Variants in SP110 observed in about 807,000 individuals in gnomAD.
The protein encoded by SP110 is interferon-induced protein 41, 30kD.
Under a neutral mutation model 92.7 loss-of-function variants are expected in SP110, and 62 were observed. The ratio of observed to expected loss-of-function variants is 0.67; its 90% CI spans 0.55 to 0.83. SP110 has a LOEUF of 0.83. Ranked by LOEUF, SP110 falls within the 40% of genes least tolerant of loss-of-function variation. SP110 has a pLI of 0.00. For synonymous variants in SP110, 273 were observed against 305.3 expected (o/e 0.89, Z 1.10); for missense variants, 793 against 863.9 (o/e 0.92, Z 1.03).
intron 14 of SP110, 64 bp from the exon 15 acceptor site, chr2:230,173,023 G>A: frequency 1.8e-6 from 2 of 1,103,128 alleles, no homozygotes; most frequent in Admixed American, 1.8e-5. Flanking sequence ...TGACCCTGTG[G>A]GGTTCTAGAA....
At chr2:230,202,058 G>T (rs1480782346) in intron 9 of SP110, among the ~76,000 whole-genome samples, 1 of 152,108 alleles carries the variant, frequency 6.6e-6, no homozygotes, top group Admixed American at 6.5e-5. Context: ...TTTTTATAAA[G>T]CTCACTCACA....
intron 14 of SP110, 64 bp from the exon 15 acceptor site, chr2:230,173,023 G>T: frequency 1.8e-6 from 2 of 1,103,126 alleles, no homozygotes; most frequent in African/African-American, 1.5e-5. Flanking sequence ...TGACCCTGTG[G>T]GGTTCTAGAA....
intron 10 of SP110, 50 bp downstream of exon 10, chr2:230,200,835 T>C: frequency 7.3e-7 from 1 of 1,364,160 alleles, no homozygotes; most frequent in Non-Finnish European, 1.1e-6. Context: ...CAGCTCTGAA[T>C]TTAGATTCCT....
chr2:230,182,284 A>G (rs2042163323), intron 12 of SP110, among the ~76,000 whole-genome samples: 1 of 152,140 alleles, frequency 6.6e-6, no homozygotes, highest in Admixed American at 6.5e-5. Context: ...CAGGGAGGAG[A>G]ACAGCACACA....
At chr2:230,196,155 G>C (rs929863945) in intron 10 of SP110, among the ~76,000 whole-genome samples, 3 of 152,106 alleles carry the variant, frequency 2.0e-5, no homozygotes, top group African/African-American at 7.2e-5. Flanking sequence ...CAGCAAATTG[G>C]TAACATGTAT....
At chr2:230,202,881 A>G in intron 8 of SP110, 153 bp from the exon 9 acceptor site, 1 of 731,092 alleles carries the variant, frequency 1.4e-6, no homozygotes, top group Non-Finnish European at 2.4e-6. Context: ...CTACTTCTCT[A>G]TAATTATATC....
At chr2:230,198,949 G>C (rs1004568906) in intron 10 of SP110, among the ~76,000 whole-genome samples, 1 of 151,888 alleles carries the variant, frequency 6.6e-6, no homozygotes, top group Non-Finnish European at 1.5e-5. Flanking sequence ...CTTTGACTTT[G>C]CCATTTTCTC....
At chr2:230,219,599 C>G (rs778010812) in intron 1 of SP110, 3 of 152,292 alleles carry the variant, frequency 2.0e-5, no homozygotes, top group Middle Eastern at 3.4e-3. Context: ...CCGCCTATTG[C>G]GGGCACTGAA....
chr2:230,214,108 A>C (rs1173734535), intron 3 of SP110: 1 of 152,142 alleles, frequency 6.6e-6, no homozygotes, highest in Non-Finnish European at 1.5e-5. Context: ...ACAGTGTTTT[A>C]CTTCCAACCT....
intron 2 of SP110, among the ~76,000 whole-genome samples, chr2:230,216,243 G>A (rs2045162053): frequency 1.3e-5 from 2 of 152,212 alleles, no homozygotes; most frequent in East Asian, 1.9e-4. Flanking sequence ...TGGAAAAAGT[G>A]TCTTTGCAGT....
upstream of SP110, among the ~76,000 whole-genome samples, chr2:230,223,833 C>A (rs1331624035): frequency 6.6e-6 from 1 of 152,194 alleles, no homozygotes; most frequent in Non-Finnish European, 1.5e-5. Context: ...GAAGAGAAAT[C>A]TTCCAGGTAG....
intron 14 of SP110, among the ~76,000 whole-genome samples, chr2:230,176,013 G>A (rs1167714274): frequency 1.4e-5 from 2 of 145,864 alleles, no homozygotes; most frequent in South Asian, 2.2e-4. Context: ...GCATGATCTC[G>A]CCTCACTGCA....
At chr2:230,212,732 A>G in intron 4 of SP110, 29 bp downstream of exon 4, 1 of 1,613,150 alleles carries the variant, frequency 6.2e-7, no homozygotes, top group Non-Finnish European at 8.5e-7. Flanking sequence ...CTGAGGATAT[A>G]CAGGTGTTGG....
chr2:230,212,421 T>C lies in SP110; in HGVS notation c.593A>G (p.Asp198Gly), dbSNP rs1399242891. Residue 198 changes from aspartate to glycine, a missense_variant, in exon 5 of 19, where the codon GAC becomes GGC. By Grantham distance (94) the Asp-to-Gly change is moderately conservative (BLOSUM62 -1). Coordinates refer to ENST00000258381, the MANE Select transcript of SP110 (RefSeq NM_080424.4). ...CGCATTCATTTTGGATGTTAACTTG[T>C]CATTGGTCACTGAAGGAGGAAAGGA... ...QEGRSTSVTN[D>G]KLTSKMNAEE... 4 of 1,610,102 alleles carry C rather than the reference T, an allele frequency of 2.5e-6. No individual in the cohort carries two copies. The highest frequency in any genetic ancestry group is 3.4e-6 in the Non-Finnish European group (4 of 1,176,314).
intron 9 of SP110, 65 bp downstream of exon 9, chr2:230,202,514 C>T (rs934781484): frequency 3.4e-5 from 52 of 1,511,734 alleles, no homozygotes; most frequent in Admixed American, 3.4e-4. Context: ...TAACTCTGTA[C>T]CTGCTTCAGG....
chr2:230,210,373 C>A (rs946732769), intron 6 of SP110, among the ~76,000 whole-genome samples: 5 of 152,162 alleles, frequency 3.3e-5, no homozygotes, highest in African/African-American at 1.2e-4. Context: ...TCCCAGCAGC[C>A]CCTGCTCAAG....
chr2:230,209,048 C>T (rs938946879), intron 7 of SP110, among the ~76,000 whole-genome samples: 7 of 152,128 alleles, frequency 4.6e-5, no homozygotes, highest in African/African-American at 1.7e-4. Context: ...TAAATAAGCA[C>T]AGAAAAATAT....
intron 10 of SP110, among the ~76,000 whole-genome samples, chr2:230,188,432 G>A (rs1157048859): frequency 6.6e-6 from 1 of 151,942 alleles, no homozygotes; most frequent in Non-Finnish European, 1.5e-5. Context: ...ATATAATCAG[G>A]GAACAGTGAT....
chr2:230,171,640 G>T, intron 17 of SP110, 56 bp downstream of exon 17: 1 of 1,327,130 alleles, frequency 7.5e-7, no homozygotes, highest in Non-Finnish European at 1.1e-6. Context: ...TGCCAGATCA[G>T]CCCCCAAATT....
Sources: gnomAD v4.1 joint callset for allele counts (sites outside exome capture counted in the v4.1 genomes callset) on GRCh38, gnomAD v4.1.1 for gene constraint, MANE v1.5 for transcripts, NCBI Gene and HGNC (gene_info 2026-07-23, HGNC 2026-07-21) for gene names.